PRKG1: variants seen among roughly 807,000 people sequenced by gnomAD.
The protein encoded by PRKG1 is protein kinase cGMP-dependent 1, also known as cGMP-dependent protein kinase 1.
Under a neutral mutation model 88.1 loss-of-function variants are expected in PRKG1, and 35 were observed. That is an observed-to-expected ratio of 0.40 (90% confidence interval 0.30 to 0.53). The LOEUF is 0.53. Ranked by LOEUF, PRKG1 falls within the 20% of genes least tolerant of loss-of-function variation. The probability of loss-of-function intolerance (pLI) is 0.59; values close to 1 mark genes in which losing one functional copy is unlikely to be tolerated. For synonymous variants in PRKG1, 303 were observed against 292.5 expected, an observed-to-expected ratio of 1.04 and a Z score of -0.37; for missense variants, 540 against 839.8, an observed-to-expected ratio of 0.64 and a Z score of 4.41.
intron 2 of PRKG1, among the ~76,000 whole-genome samples, chr10:51,464,074 G>A (rs182355550): frequency 1.4e-3 from 206 of 151,540 alleles, no homozygotes; most frequent in African/African-American, 4.8e-3. Flanking sequence ...GATCGAGACC[G>A]TCTTGGCCAA....
intron 4 of PRKG1, among the ~76,000 whole-genome samples, chr10:51,867,514 C>T (rs1169016684): frequency 6.6e-6 from 1 of 152,012 alleles, no homozygotes; most frequent in Non-Finnish European, 1.5e-5. Context: ...AATGGAAATA[C>T]ACAGATGGAT....
At chr10:51,135,689 A>G (rs1845669295) in intron 1 of PRKG1, among the ~76,000 whole-genome samples, 1 of 152,144 alleles carries the variant, frequency 6.6e-6, no homozygotes, top group African/African-American at 2.4e-5. Flanking sequence ...GTTAATAACA[A>G]TGTGATTAAC....
At chr10:51,801,976 TA>T (rs1465665471) in intron 3 of PRKG1, among the ~76,000 whole-genome samples, 2 of 152,210 alleles carry the variant, frequency 1.3e-5, no homozygotes, top group Admixed American at 1.3e-4. Flanking sequence ...TGTTCAACAG[TA>T]ATCATCATGA....
chr10:51,825,070 C>T (rs1255613710), intron 4 of PRKG1, among the ~76,000 whole-genome samples: 1 of 152,100 alleles, frequency 6.6e-6, no homozygotes, highest in Non-Finnish European at 1.5e-5. Context: ...TAGTGGTTTT[C>T]AGCTTTTTAT....
intron 2 of PRKG1, among the ~76,000 whole-genome samples, chr10:51,311,948 C>A (rs188883865): frequency 3.9e-5 from 6 of 152,182 alleles, no homozygotes; most frequent in African/African-American, 1.4e-4. Flanking sequence ...CTTGGCTCAC[C>A]GCAACCTCTG....
chr10:51,730,481 A>G (rs1002138252), intron 3 of PRKG1, among the ~76,000 whole-genome samples: 5 of 152,144 alleles, frequency 3.3e-5, no homozygotes, highest in African/African-American at 1.2e-4. Flanking sequence ...TGGGTGAAAA[A>G]CATAGCTTTT....
chr10:52,124,880 T>A (rs1449610428), intron 7 of PRKG1, among the ~76,000 whole-genome samples: 1 of 152,162 alleles, frequency 6.6e-6, no homozygotes, highest in Non-Finnish European at 1.5e-5. Flanking sequence ...GTTGAGATCA[T>A]CAATATCACT....
intron 3 of PRKG1, among the ~76,000 whole-genome samples, chr10:51,758,835 C>G (rs972256300): frequency 6.6e-6 from 1 of 151,650 alleles, no homozygotes; most frequent in Non-Finnish European, 1.5e-5. Context: ...TCCTAATGCT[C>G]TCCCTCCTCT....
intron 3 of PRKG1, among the ~76,000 whole-genome samples, chr10:51,671,869 A>G (rs1344605720): frequency 6.6e-6 from 1 of 152,076 alleles, no homozygotes. Context: ...TTATAAGAAT[A>G]CTGGTGATAG....
At chr10:51,006,936 ATTTT>A (rs34941069) in intron 1 of PRKG1, among the ~76,000 whole-genome samples, 1 of 116,810 alleles carries the variant, frequency 8.6e-6, no homozygotes. Context: ...AGGGCCTGAG[ATTTT>A]TTTTTTTTTT....
chr10:51,978,821 G>A (rs2133104324), intron 5 of PRKG1, among the ~76,000 whole-genome samples: 1 of 152,098 alleles, frequency 6.6e-6, no homozygotes, highest in South Asian at 2.1e-4. Flanking sequence ...TGTTTCCTGA[G>A]ACTTTGCTGA....
chr10:51,820,595 T>TGCTC, intron 4 of PRKG1, among the ~76,000 whole-genome samples: 1 of 152,120 alleles, frequency 6.6e-6, no homozygotes, highest in African/African-American at 2.4e-5. Context: ...CCTTCACACA[T>TGCTC]ACCCTTGCTA....
At chr10:51,994,954 T>G (rs879575158) in intron 5 of PRKG1, among the ~76,000 whole-genome samples, 27 of 152,228 alleles carry the variant, frequency 1.8e-4, no homozygotes, top group African/African-American at 6.5e-4. Flanking sequence ...TTTTTATGAA[T>G]ACTTAGTATA....
At chr10:52,291,416 C>A (rs1376743041) in intron 17 of PRKG1, among the ~76,000 whole-genome samples, 2 of 120,038 alleles carry the variant, frequency 1.7e-5, no homozygotes, top group Non-Finnish European at 3.3e-5. Flanking sequence ...TCCCCCCACC[C>A]CACAACAGTC....
chr10:51,632,706 A>T (rs1414245400), intron 3 of PRKG1, among the ~76,000 whole-genome samples: 1 of 152,172 alleles, frequency 6.6e-6, no homozygotes, highest in African/African-American at 2.4e-5. Flanking sequence ...TTGTAGCTAA[A>T]AATATGCTCT....
At chr10:52,059,988 G>A (rs1487679432) in intron 6 of PRKG1, among the ~76,000 whole-genome samples, 1 of 151,816 alleles carries the variant, frequency 6.6e-6, no homozygotes, top group African/African-American at 2.4e-5. Context: ...CAGAACATTA[G>A]AAAGAAAGAG....
At chr10:51,132,948 T>G (rs980344772) in intron 1 of PRKG1, among the ~76,000 whole-genome samples, 3 of 151,978 alleles carry the variant, frequency 2.0e-5, no homozygotes. Flanking sequence ...AATCAAAAAA[T>G]GCATATGGTC....
chr10:51,343,126 A>G (rs1588862239), intron 2 of PRKG1, among the ~76,000 whole-genome samples: 1 of 152,188 alleles, frequency 6.6e-6, no homozygotes, highest in Non-Finnish European at 1.5e-5. Flanking sequence ...CCATGCTACT[A>G]CTTTAGTTGT....
chr10:51,206,703 T>C (rs1392473034), intron 2 of PRKG1, among the ~76,000 whole-genome samples: 1 of 152,208 alleles, frequency 6.6e-6, no homozygotes, highest in East Asian at 1.9e-4. Flanking sequence ...TTTGCCTTGA[T>C]CACTCTTGTG....
Sources: allele counts gnomAD v4.1 joint callset (sites outside exome capture counted in the v4.1 genomes callset), GRCh38; gene constraint gnomAD v4.1.1; transcripts MANE v1.5; gene names NCBI Gene and HGNC (gene_info 2026-07-23, HGNC 2026-07-21).